Variants in SHANK2 observed in about 807,000 individuals in gnomAD.
SHANK2 encodes SH3 and multiple ankyrin repeat domains protein 2.
SHANK2 carries 43 observed loss-of-function variants against 133.7 expected under a neutral mutation model. That is an observed-to-expected ratio of 0.32 (90% CI 0.25 to 0.41). The LOEUF (loss-of-function observed/expected upper bound fraction) is 0.41. Among genes scored for constraint, SHANK2 ranks in the 10% least tolerant of loss-of-function variants. The pLI is 1.00. For synonymous variants in SHANK2, 1,017 were observed against 952.8 expected (o/e 1.07, Z -1.24); for missense variants, 1,994 against 2,235.8 (o/e 0.89, Z 2.18).
rs57180024 is a variant in SHANK2 at position 70,613,763 on chromosome 11, G to GTTTTTTTT, written c.2061+46057_2061+46064dup. 6.0e-4 allele frequency among the ~76,000 whole-genome samples: 74 copies of GTTTTTTTT among 123,760 alleles called. 16 individuals carry two copies. Among genetic ancestry groups the GTTTTTTTT allele is most frequent in the Non-Finnish European group, 7.5e-4 (47 of 62,972 alleles). The allele number at this position is 123,760 out of a possible 152,430, so 81.2% of individuals were successfully genotyped here. A position where few individuals can be genotyped will look rare whatever the true frequency, so the allele number is the denominator to read the frequency against. ...TGTCCTTGTAAGAAGAGGGGAACTT[G>GTTTTTTTT]TTTTTTTTTTTTTTTCTTTGAGATG... On this transcript the variant is annotated intron_variant, in intron 17 of 25. Transcript: ENST00000601538.
chr11:70,695,401 A>G (rs1555022027), intron 15 of SHANK2, among the ~76,000 whole-genome samples: 1 of 152,202 alleles, frequency 6.6e-6, no homozygotes, highest in African/African-American at 2.4e-5. Flanking sequence ...GTGTGGATGC[A>G]CTTTGAAAAC....
intron 25 of SHANK2, among the ~76,000 whole-genome samples, chr11:70,483,776 T>TA (rs2058767093): frequency 6.6e-6 from 1 of 152,190 alleles, no homozygotes; most frequent in Non-Finnish European, 1.5e-5. Context: ...ACATAATTCT[T>TA]AGACTTTCTC....
intron 8 of SHANK2, among the ~76,000 whole-genome samples, chr11:71,075,749 G>A (rs1300492115): frequency 1.3e-5 from 2 of 152,212 alleles, no homozygotes; most frequent in Non-Finnish European, 2.9e-5. Context: ...ATCCACAGGA[G>A]TGAGCCCTGT....
rs1491141567 is a variant in SHANK2 at position 71,085,715 on chromosome 11, T to TTATAA, written c.912+6706_912+6707insTTATA. 1.2e-4 allele frequency among the ~76,000 whole-genome samples: 8 copies of TTATAA among 64,876 alleles called. 1 individual carries two copies. The highest frequency in any genetic ancestry group is 4.9e-4 in the African/African-American group (8 of 16,208). 42.6% of individuals were successfully genotyped at this position (64,876 alleles called of 152,430 possible). A position where few individuals can be genotyped will look rare whatever the true frequency, so the allele number is the denominator to read the frequency against. ...TATAACATATTATATGTTATATATA[T>TTATAA]TATATTATATAAAATATAATATATT... On this transcript the variant is annotated intron_variant, in intron 8 of 25. Coordinates refer to ENST00000601538, the MANE Select transcript of SHANK2 (RefSeq NM_012309.5).
At chr11:70,613,410 A>G (rs928655359) in intron 17 of SHANK2, among the ~76,000 whole-genome samples, 1 of 152,056 alleles carries the variant, frequency 6.6e-6, no homozygotes, top group African/African-American at 2.4e-5. Flanking sequence ...TCACCGTGTT[A>G]GCTAGGATGG....
intron 17 of SHANK2, among the ~76,000 whole-genome samples, chr11:70,642,097 C>T (rs1555006572): frequency 6.6e-6 from 1 of 152,226 alleles, no homozygotes; most frequent in Non-Finnish European, 1.5e-5. Flanking sequence ...TGGCATTCCC[C>T]TGAGGGAGGC....
intron 14 of SHANK2, among the ~76,000 whole-genome samples, chr11:70,732,952 T>C (rs1946320828): frequency 6.6e-6 from 1 of 152,230 alleles, no homozygotes; most frequent in South Asian, 2.1e-4. Context: ...CCCGCGCGAA[T>C]AGTGCTCTGT....
At chr11:70,935,433 C>T (rs1052028629) in intron 10 of SHANK2, among the ~76,000 whole-genome samples, 2 of 152,104 alleles carry the variant, frequency 1.3e-5, no homozygotes, top group Non-Finnish European at 2.9e-5. Flanking sequence ...GCCCCTATTA[C>T]GTGGTTAGCC....
Position 70,500,689 on chromosome 11 carries a change from G to C in SHANK2, c.2288-99C>G. The C allele has an allele frequency of 6.6e-7, 1 of 1,508,890 alleles. No homozygotes were observed. The highest frequency in any genetic ancestry group is 9.0e-7 in the Non-Finnish European group (1 of 1,107,230). The allele number at this position is 1,508,890 out of a possible 1,614,324, so 93.5% of individuals were successfully genotyped here. Reference sequence around the variant, plus strand: ...TCAGCTCAGGGCGCCTCAGGAGCAGGCTGGGCCGGCAATGGGGCGGCAGGC... The same window carrying C: ...TCAGCTCAGGGCGCCTCAGGAGCAGCCTGGGCCGGCAATGGGGCGGCAGGC... On this transcript the variant is annotated intron_variant, in intron 20 of 25. Coordinates refer to ENST00000601538, the MANE Select transcript of SHANK2 (RefSeq NM_012309.5). This position sits in a 1 kb window ranked among gnomAD's most constrained non-coding sequence, Gnocchi z 4.5.
chr11:70,543,426 G>A (rs1279546127), intron 17 of SHANK2, among the ~76,000 whole-genome samples: 1 of 152,172 alleles, frequency 6.6e-6, no homozygotes, highest in East Asian at 1.9e-4. Flanking sequence ...GAGAGAGAGA[G>A]GCTGAAGGTT....
rs983637482 is a variant in SHANK2 at position 70,734,376 on chromosome 11, G to A, written c.1778-35613C>T. Among the ~76,000 whole-genome samples, 7 of 152,210 alleles carry A rather than the reference G, an allele frequency of 4.6e-5. 1 individual carries two copies. Among genetic ancestry groups the A allele is most frequent in the Non-Finnish European group, 8.8e-5 (6 of 68,032 alleles). On this transcript the variant is annotated intron_variant, in intron 14 of 25. Transcript: ENST00000601538. ...GTGAAGGTGACTTCAAAGGTGAGGCGCATTTCATGATGAGCGTGAGGGCGC... is the reference window on the plus strand; with the variant it reads ...GTGAAGGTGACTTCAAAGGTGAGGCACATTTCATGATGAGCGTGAGGGCGC...
At chr11:70,664,441 C>T (rs1555014317) in intron 15 of SHANK2, among the ~76,000 whole-genome samples, 1 of 152,210 alleles carries the variant, frequency 6.6e-6, no homozygotes, top group African/African-American at 2.4e-5. Context: ...CTGCTGTCTG[C>T]AAGAGGAGCT....
At chr11:71,238,730 A>G (rs1351337279) in intron 1 of SHANK2, among the ~76,000 whole-genome samples, 4 of 152,210 alleles carry the variant, frequency 2.6e-5, no homozygotes, top group Admixed American at 2.0e-4. Context: ...GGGCAAATGC[A>G]CTGTCTGTGG....
At chr11:71,078,510 C>T (rs1333105902) in intron 8 of SHANK2, among the ~76,000 whole-genome samples, 2 of 152,108 alleles carry the variant, frequency 1.3e-5, no homozygotes, top group Admixed American at 1.3e-4. Context: ...TTTTGCATAG[C>T]CTCAAAGATC....
At chr11:70,659,573 T>C (rs1203152735) in intron 17 of SHANK2, among the ~76,000 whole-genome samples, 1 of 152,138 alleles carries the variant, frequency 6.6e-6, no homozygotes, top group Non-Finnish European at 1.5e-5. Flanking sequence ...TACCTTCTAC[T>C]TCAAGACCAA....
At position 70,905,717 on chromosome 11, in the gene SHANK2, A is replaced by G. The variant is rs527853644; in HGVS notation, c.1108-9150T>C. On this transcript the variant is annotated intron_variant, in intron 10 of 25. Transcript: ENST00000601538. ...GAAGTGGGCCCTCATCAGACAGCCC[A>G]TCTGCTGGCCCTTGATCTTGAACTC... 8.5e-5 allele frequency among the ~76,000 whole-genome samples: 13 copies of G among 152,224 alleles called. No homozygotes were observed. The South Asian group carries it at 2.7e-3, about 32-fold the overall frequency.
intron 3 of SHANK2, among the ~76,000 whole-genome samples, chr11:71,142,171 G>T (rs1952567983): frequency 6.6e-6 from 1 of 152,178 alleles, no homozygotes; most frequent in Non-Finnish European, 1.5e-5. Context: ...ATTAGAACGG[G>T]TCTAACTGAG....
chr11:71,059,853 C>A (rs1190032590), intron 9 of SHANK2, among the ~76,000 whole-genome samples: 2 of 152,216 alleles, frequency 1.3e-5, no homozygotes, highest in Non-Finnish European at 2.9e-5. Context: ...AAAAAGCCAC[C>A]TGCATGCTTG....
chr11:71,222,050 G>A (rs1954552015), intron 2 of SHANK2, among the ~76,000 whole-genome samples: 2 of 152,002 alleles, frequency 1.3e-5, no homozygotes, highest in Non-Finnish European at 2.9e-5. Flanking sequence ...GGTGATTCTG[G>A]CTCACCCTTC....
Sources: gnomAD v4.1 joint callset for allele counts (sites outside exome capture counted in the v4.1 genomes callset) on GRCh38, gnomAD v4.1.1 for gene constraint, Gnocchi (gnomAD v3.1) non-coding constraint, MANE v1.5 for transcripts, NCBI Gene and HGNC (gene_info 2026-07-23, HGNC 2026-07-21) for gene names.